The following DHRSX variants were observed in gnomAD, a reference collection of about 807,000 sequenced individuals.
DHRSX encodes the protein polyprenol dehydrogenase.
A neutral mutation model predicts 34.0 loss-of-function variants in DHRSX; 31 were observed. The observed-to-expected ratio is 0.91, with a 90% CI of 0.69 to 1.23. The LOEUF is 1.23. DHRSX is among the 50% of genes most tolerant of loss of function. The pLI is 0.00. For missense variants in DHRSX, 414 were observed against 428.1 expected, an observed-to-expected ratio of 0.97 and a Z score of 0.29; for synonymous variants, 201 against 183.8, an observed-to-expected ratio of 1.09 and a Z score of -0.76.
intron 1 of DHRSX, among the ~76,000 whole-genome samples, chrX:2,457,394 C>T (rs1283350585): frequency 6.8e-6 from 1 of 146,950 alleles, no homozygotes; most frequent in Non-Finnish European, 1.5e-5. Flanking sequence ...GTATGTGGCG[C>T]AAGGGACCTC....
chrX:2,231,952 CTCTTTTCTTTCTGCCCTTCT>C (rs2015900259), intron 6 of DHRSX, among the ~76,000 whole-genome samples: 3 of 148,318 alleles, frequency 2.0e-5, no homozygotes, highest in South Asian at 2.1e-4. Flanking sequence ...TCTCCTCCTT[CTCTTTTCTTTCTGCCCTTCT>C]TTCCTTTTCT....
In DHRSX at chrX:2,274,677, C is replaced by T. The variant is rs751958920; in HGVS notation, c.389-7730G>A. Among the ~76,000 whole-genome samples, 21 of 151,224 alleles carry T rather than the reference C, an allele frequency of 1.4e-4. 2 individuals are homozygous for T. The highest frequency in any genetic ancestry group is 4.2e-4 in the South Asian group (2 of 4,752). ...AACTCCTGACCCCAAGTGATCTGCC[C>T]GCCTCAGCCTCCCAAAGTGCTGGGA... is the stretch of plus-strand genomic sequence containing the variant. On this transcript the variant is annotated intron_variant, in intron 4 of 6. Coordinates refer to ENST00000334651, the MANE Select transcript of DHRSX (RefSeq NM_145177.3).
chrX:2,300,217 T>C (rs1282492450), intron 3 of DHRSX, among the ~76,000 whole-genome samples: 1 of 152,162 alleles, frequency 6.6e-6, no homozygotes, highest in Non-Finnish European at 1.5e-5. Flanking sequence ...GCAATAGATA[T>C]AGGACATCGT....
intron 1 of DHRSX, among the ~76,000 whole-genome samples, chrX:2,431,055 G>A (rs2043913504): frequency 6.6e-6 from 1 of 151,334 alleles, no homozygotes; most frequent in Admixed American, 6.6e-5. Flanking sequence ...GCCGGGCACG[G>A]TGGCTCATGC....
chrX:2,427,373 T>C (rs964132759), intron 1 of DHRSX, among the ~76,000 whole-genome samples: 3 of 152,200 alleles, frequency 2.0e-5, no homozygotes, highest in Non-Finnish European at 4.4e-5. Context: ...TGAGCCAATC[T>C]GTGATATGTT....
In DHRSX at chrX:2,423,325, G is replaced by C. The variant is rs138633688; in HGVS notation, c.217+1872C>G. Among the ~76,000 whole-genome samples, 1,351 of 152,070 alleles carry C rather than the reference G, an allele frequency of 8.9e-3. 21 individuals carry two copies. Among genetic ancestry groups the C allele is most frequent in the African/African-American group, 0.029 (1,215 of 41,520 alleles). On this transcript the variant is annotated intron_variant, in intron 2 of 6. Coordinates refer to ENST00000334651, the MANE Select transcript of DHRSX (RefSeq NM_145177.3). ...CTACTCTGGAGGCTGAGGCAGGAGA[G>C]TCGCTTGAACCCAGGAGGCAGGGGA...
At chrX:2,308,153 C>A (rs1223325622) in intron 3 of DHRSX, among the ~76,000 whole-genome samples, 1 of 152,030 alleles carries the variant, frequency 6.6e-6, no homozygotes, top group Non-Finnish European at 1.5e-5. Flanking sequence ...GTGTCTGCCA[C>A]GTAGCTCATG....
rs767326479 is a variant in DHRSX at position 2,393,891 on chromosome X, C to T, written c.286+14854G>A. Among the ~76,000 whole-genome samples the T allele has an allele frequency of 2.0e-5, 3 of 150,486 alleles. No individual in the cohort carries two copies. In the East Asian group the frequency reaches 5.9e-4, roughly 30 times the overall value. On this transcript the variant is annotated intron_variant, in intron 3 of 6. Transcript: ENST00000334651. ...TCCTGGGCACACAACACCCAGGGACCTCCCTGTCTCCTGCACACACGACAC... is the reference window on the plus strand; with the variant it reads ...TCCTGGGCACACAACACCCAGGGACTTCCCTGTCTCCTGCACACACGACAC...
intron 1 of DHRSX, 48 bp from the exon 2 acceptor site, chrX:2,425,352 G>A (rs1446420460): frequency 2.0e-6 from 3 of 1,507,798 alleles, no homozygotes; most frequent in African/African-American, 2.8e-5. Flanking sequence ...TGAAAGCAGA[G>A]CACATATTTG....
In DHRSX at chrX:2,341,555, A is replaced by G. The variant is rs867367414; in HGVS notation, c.287-49952T>C. On this transcript the variant is annotated intron_variant, in intron 3 of 6. Coordinates refer to ENST00000334651, the MANE Select transcript of DHRSX (RefSeq NM_145177.3). ...TGTCATTAGATTTAGGATCCACTGC[A>G]ATCCAGGATGATCTCATCTCCAGAT... 1.4e-4 allele frequency among the ~76,000 whole-genome samples: 21 copies of G among 151,938 alleles called. 1 individual carries two copies. Among genetic ancestry groups the G allele is most frequent in the African/African-American group, 4.8e-4 (20 of 41,388 alleles).
intron 3 of DHRSX, among the ~76,000 whole-genome samples, chrX:2,311,774 G>A (rs907286182): frequency 2.0e-5 from 3 of 152,120 alleles, no homozygotes; most frequent in Admixed American, 2.0e-4. Flanking sequence ...CCACCCACAG[G>A]ACTGGGCTAA....
chrX:2,459,393 T>C (rs773388603), intron 1 of DHRSX, among the ~76,000 whole-genome samples: 2 of 151,902 alleles, frequency 1.3e-5, no homozygotes, highest in Non-Finnish European at 2.9e-5. Flanking sequence ...GTTAATTAGG[T>C]CAATGGTTAA....
intron 3 of DHRSX, among the ~76,000 whole-genome samples, chrX:2,339,531 T>A (rs1010873485): frequency 2.0e-5 from 3 of 152,052 alleles, no homozygotes; most frequent in Non-Finnish European, 4.4e-5. Flanking sequence ...CTTTTATCCC[T>A]CGCTGCCCCC....
Position 2,248,441 on chromosome X carries a change from A to G in DHRSX, c.597-5211T>C, listed in dbSNP as rs193115841. 5.9e-3 allele frequency among the ~76,000 whole-genome samples: 884 copies of G among 149,776 alleles called. 23 individuals are homozygous for G. The highest frequency in any genetic ancestry group is 0.02 in the African/African-American group (835 of 40,912). ...GAGCGAGACTCTGTCTCAAAAAAAAAAAGAAAAAAGAAAATACAAACATTA... is the reference window on the plus strand; with the variant it reads ...GAGCGAGACTCTGTCTCAAAAAAAAGAAGAAAAAAGAAAATACAAACATTA... On this transcript the variant is annotated intron_variant, in intron 5 of 6. Coordinates refer to ENST00000334651, the MANE Select transcript of DHRSX (RefSeq NM_145177.3).
At chrX:2,222,410 A>T in intron 6 of DHRSX, among the ~76,000 whole-genome samples, 1 of 152,350 alleles carries the variant, frequency 6.6e-6, no homozygotes, top group East Asian at 1.9e-4. Context: ...TTTAGGAAAC[A>T]GCAAATATCA....
chrX:2,308,055 G>A (rs1213873430), intron 3 of DHRSX, among the ~76,000 whole-genome samples: 1 of 152,024 alleles, frequency 6.6e-6, no homozygotes, highest in Non-Finnish European at 1.5e-5. Flanking sequence ...TACCTTCAAC[G>A]ATACCTTCAT....
At chrX:2,362,603 C>G (rs369301764) in intron 3 of DHRSX, among the ~76,000 whole-genome samples, 1 of 152,122 alleles carries the variant, frequency 6.6e-6, no homozygotes, top group Non-Finnish European at 1.5e-5. Flanking sequence ...CTGGCCAGGT[C>G]TGCCTTATAA....
intron 6 of DHRSX, among the ~76,000 whole-genome samples, chrX:2,234,508 T>G (rs66772502): frequency 0.86 from 131,644 of 152,318 alleles, 57,381 homozygotes; most frequent in East Asian, 0.95. Context: ...CACAGCTGTT[T>G]TAGGTTTTTT....
chrX:2,273,220 TAATC>T (rs1368058940), intron 4 of DHRSX, among the ~76,000 whole-genome samples: 4 of 152,106 alleles, frequency 2.6e-5, no homozygotes, highest in South Asian at 2.1e-4. Context: ...TAAAATAAAA[TAATC>T]AAACAAAACA....
Sources: allele counts gnomAD v4.1 joint callset (sites outside exome capture counted in the v4.1 genomes callset), GRCh38; gene constraint gnomAD v4.1.1; transcripts MANE v1.5; gene names NCBI Gene and HGNC (gene_info 2026-07-23, HGNC 2026-07-21).